The following INTS8 variants were observed in gnomAD, a reference collection of about 807,000 sequenced individuals.
INTS8 encodes the protein protein kaonashi-1.
A neutral mutation model predicts 138.9 loss-of-function variants in INTS8; 47 were observed. That is an observed-to-expected ratio of 0.34 (90% confidence interval 0.27 to 0.43). The LOEUF is 0.43. INTS8 is among the 20% of genes least tolerant of loss of function. INTS8 has a pLI of 1.00. For synonymous variants in INTS8, 392 were observed against 400.9 expected (o/e 0.98, Z 0.27); for missense variants, 996 against 1,173.0 (o/e 0.85, Z 2.20).
chr8:94,827,429 G>A (rs1265397460), intron 3 of INTS8, 26 bp downstream of exon 3: 4 of 1,612,096 alleles, frequency 2.5e-6, no homozygotes, highest in South Asian at 1.1e-5. Context: ...AACTCAGAAG[G>A]CGTTGGGCAA....
chr8:94,859,834 T>C (rs1815887913), intron 16 of INTS8: 1 of 500,662 alleles, frequency 2.0e-6, no homozygotes, highest in Non-Finnish European at 3.6e-6. Context: ...TGCCCTGTAA[T>C]TCATGAGCAT....
intron 10 of INTS8, among the ~76,000 whole-genome samples, chr8:94,843,592 A>G (rs922403595): frequency 6.6e-6 from 1 of 152,030 alleles, no homozygotes; most frequent in Non-Finnish European, 1.5e-5. Context: ...AGAATATTAT[A>G]TGGACCACGC....
intron 14 of INTS8, among the ~76,000 whole-genome samples, chr8:94,854,858 A>G (rs1412798589): frequency 6.6e-6 from 1 of 151,856 alleles, no homozygotes; most frequent in Non-Finnish European, 1.5e-5. Flanking sequence ...CAGCCCCCTA[A>G]GTAGCTGGAA....
intron 12 of INTS8, among the ~76,000 whole-genome samples, chr8:94,850,641 C>T (rs970953805): frequency 6.7e-5 from 10 of 150,352 alleles, no homozygotes; most frequent in South Asian, 6.3e-4. Context: ...AGATTTTCAC[C>T]GGAGAAATAG....
chr8:94,861,256 ATTT>A (rs1210530804), intron 16 of INTS8, among the ~76,000 whole-genome samples: 10 of 57,386 alleles, frequency 1.7e-4, no homozygotes, highest in East Asian at 1.3e-3. Flanking sequence ...CCTTTTTGTA[ATTT>A]TTTTTTTTTT....
intron 2 of INTS8, 146 bp from the exon 3 acceptor site, chr8:94,827,113 GAAAA>G: frequency 3.0e-6 from 2 of 658,104 alleles, no homozygotes; most frequent in Non-Finnish European, 5.1e-6. Flanking sequence ...TCAAAAAAAA[GAAAA>G]AAAAACTTTT....
At chr8:94,871,393 A>C (rs1816392779) in intron 20 of INTS8, among the ~76,000 whole-genome samples, 1 of 151,858 alleles carries the variant, frequency 6.6e-6, no homozygotes, top group Non-Finnish European at 1.5e-5. Flanking sequence ...CAGAGGAATC[A>C]CTTGAACCCG....
intron 26 of INTS8, among the ~76,000 whole-genome samples, chr8:94,877,997 G>A (rs563699138): frequency 3.5e-4 from 54 of 152,166 alleles, no homozygotes; most frequent in African/African-American, 1.2e-3. Flanking sequence ...TAAGTTTCCC[G>A]GGTAGTCTGG....
intron 16 of INTS8, among the ~76,000 whole-genome samples, chr8:94,862,709 C>T (rs1328079539): frequency 6.6e-6 from 1 of 152,098 alleles, no homozygotes; most frequent in Non-Finnish European, 1.5e-5. Flanking sequence ...TTGTGTGCCA[C>T]CTTCCATACA....
At position 94,827,330 on chromosome 8, in the gene INTS8, A is replaced by C; in HGVS notation, c.373A>C (p.Thr125Pro). 10 of 1,613,856 alleles carry C rather than the reference A, an allele frequency of 6.2e-6. No homozygotes were observed. The highest frequency in any genetic ancestry group is 8.5e-6 in the Non-Finnish European group (10 of 1,179,678). The stretch of plus-strand genomic sequence containing the variant: ...CTGCATCAGTAAAGTTCCTCCTGGG[A>C]CAAAGCATGTAGACATGGATCTGGC... Reference protein sequence around the residue: ...LLCISKVPPGTKHVDMDLATL... With the variant: ...LLCISKVPPGPKHVDMDLATL... Residue 125 changes from threonine (T) to proline (P), a missense_variant, in exon 3 of 27, where the codon ACA (threonine) becomes CCA (proline). Transcript: ENST00000523731.
intron 22 of INTS8, among the ~76,000 whole-genome samples, chr8:94,874,304 C>G (rs998562412): frequency 7.2e-5 from 11 of 151,748 alleles, no homozygotes; most frequent in African/African-American, 2.7e-4. Context: ...AGTACCATAA[C>G]TTAAATGATA....
intron 10 of INTS8, 131 bp from the exon 11 acceptor site, chr8:94,849,331 C>A: frequency 1.6e-6 from 1 of 627,114 alleles, no homozygotes; most frequent in Admixed American, 3.1e-5. Context: ...TGTTAAGTTA[C>A]TTAACTAAAT....
chr8:94,870,923 C>T (rs1047134471), intron 20 of INTS8, among the ~76,000 whole-genome samples: 1 of 152,104 alleles, frequency 6.6e-6, no homozygotes, highest in African/African-American at 2.4e-5. Context: ...AATCTTCTGA[C>T]TCTGTACCTG....
At chr8:94,861,170 C>T (rs902278218) in intron 16 of INTS8, among the ~76,000 whole-genome samples, 2 of 150,022 alleles carry the variant, frequency 1.3e-5, no homozygotes, top group African/African-American at 4.9e-5. Flanking sequence ...CACGTATGTC[C>T]TTTTAAAAAC....
rs756173775 is a variant in INTS8, at chr8:94,880,183, G to A, written c.2937G>A (p.Ala979=). 1.4e-5 allele frequency: 22 copies of A among 1,610,812 alleles called. No homozygotes were observed. Among genetic ancestry groups the A allele is most frequent in the African/African-American group, 8.0e-5 (6 of 74,618 alleles). The change falls in exon 27 of 27, where the codon GCG becomes GCA. Residue 979 remains alanine (A), a synonymous_variant. Coordinates refer to ENST00000523731, the MANE Select transcript of INTS8 (RefSeq NM_017864.4). The part of the protein sequence containing the change: ...SNPEEVLQLA[A]QRRKKKFLQA... ...CAGAAGAAGTGTTACAGCTGGCAGCGCAGAGAAGGAAAAAAAAGTTTCTCC... is the reference window on the plus strand; with the variant it reads ...CAGAAGAAGTGTTACAGCTGGCAGCACAGAGAAGGAAAAAAAAGTTTCTCC...
chr8:94,839,292 A>G (rs958375552), intron 8 of INTS8, among the ~76,000 whole-genome samples: 13 of 152,132 alleles, frequency 8.5e-5, no homozygotes, highest in Middle Eastern at 3.2e-3. Context: ...ACACGCACAC[A>G]CCTCTGGGTG....
chr8:94,875,905 G>C (rs1288182287), intron 23 of INTS8, 169 bp from the exon 24 acceptor site: 1 of 571,620 alleles, frequency 1.7e-6, no homozygotes, highest in Non-Finnish European at 3.2e-6. Flanking sequence ...GAGAATATTG[G>C]TCAGACAGAC....
chr8:94,841,715 AG>A, intron 9 of INTS8, 124 bp downstream of exon 9: 2 of 609,862 alleles, frequency 3.3e-6, no homozygotes, highest in Non-Finnish European at 5.8e-6. Context: ...TGTTAATATA[AG>A]GGAAATTAAC....
At chr8:94,834,362 GGTGT>G (rs35147334) in intron 6 of INTS8, among the ~76,000 whole-genome samples, 3,681 of 144,310 alleles carry the variant, frequency 0.026, 126 homozygotes, top group African/African-American at 0.078. Context: ...TATGTGCATG[GGTGT>G]GTGTGTGTGT....
Sources: allele counts gnomAD v4.1 joint callset (sites outside exome capture counted in the v4.1 genomes callset), GRCh38; gene constraint gnomAD v4.1.1; transcripts MANE v1.5; gene names NCBI Gene and HGNC (gene_info 2026-07-23, HGNC 2026-07-21).